CRB1: variants seen among roughly 807,000 people sequenced by gnomAD.
CRB1 encodes the protein crumbs cell polarity complex component 1.
Under a neutral mutation model 120.0 loss-of-function variants are expected in CRB1, and 83 were observed. The ratio of observed to expected loss-of-function variants is 0.69; its 90% CI spans 0.58 to 0.83. CRB1 has a LOEUF of 0.83. CRB1 is among the 40% of genes least tolerant of loss of function. The probability of loss-of-function intolerance (pLI) is 0.00; values close to 1 mark genes in which losing one functional copy is unlikely to be tolerated. For missense variants in CRB1, 1,699 were observed against 1,687.6 expected, an observed-to-expected ratio of 1.01 and a Z score of -0.12; for synonymous variants, 625 against 612.5, an observed-to-expected ratio of 1.02 and a Z score of -0.30.
chr1:197,276,817 A>G (rs1228256258), intron 1 of CRB1, among the ~76,000 whole-genome samples: 1 of 151,944 alleles, frequency 6.6e-6, no homozygotes, highest in Non-Finnish European at 1.5e-5. Context: ...TCTTGCAATC[A>G]TACTACATAG....
chr1:197,342,798 T>C (rs979193472), intron 2 of CRB1, among the ~76,000 whole-genome samples: 33 of 152,276 alleles, frequency 2.2e-4, no homozygotes, highest in African/African-American at 7.5e-4. Context: ...ATACCTACCA[T>C]TGATGTAGCA....
intron 2 of CRB1, among the ~76,000 whole-genome samples, chr1:197,332,399 C>A (rs1429513868): frequency 6.6e-6 from 1 of 152,106 alleles, no homozygotes; most frequent in Non-Finnish European, 1.5e-5. Flanking sequence ...TGACTATATT[C>A]TTCCCTTGTT....
Position 197,421,197 on chromosome 1 carries a change from A to G in CRB1, c.1369A>G (p.Ile457Val), listed in dbSNP as rs776217552. The change falls in exon 6 of 12, where the codon ATC becomes GTC. Residue 457 changes from isoleucine to valine, a missense_variant. Ile to Val is a conservative substitution (Grantham distance 29). Coordinates refer to ENST00000367400, the MANE Select transcript of CRB1 (RefSeq NM_201253.3). ...GCAATGTCTAAATAATGGAACATGC[A>G]TCCCTCACTTCCAAGATGGCCAGCA... ...HQQCLNNGTC[I>V]PHFQDGQHGF... 6 of 1,614,218 alleles carry G rather than the reference A, an allele frequency of 3.7e-6. No individual in the cohort carries two copies. The highest frequency in any genetic ancestry group is 8.5e-7 in the Non-Finnish European group (1 of 1,180,040).
chr1:197,347,754 T>C (rs1225696128), intron 4 of CRB1, among the ~76,000 whole-genome samples: 3 of 152,230 alleles, frequency 2.0e-5, no homozygotes, highest in Admixed American at 6.5e-5. Flanking sequence ...ATGATCTTCA[T>C]GGAGAAAAAT....
chr1:197,307,556 T>A (rs1363633905), intron 1 of CRB1, among the ~76,000 whole-genome samples: 1 of 152,178 alleles, frequency 6.6e-6, no homozygotes, highest in Non-Finnish European at 1.5e-5. Context: ...TACAGAGAAG[T>A]TCAGTATGAA....
At chr1:197,461,863 CA>C (rs1468255064) in intron 11 of CRB1, among the ~76,000 whole-genome samples, 1 of 151,958 alleles carries the variant, frequency 6.6e-6, no homozygotes, top group African/African-American at 2.4e-5. Flanking sequence ...CAGCTCAGTT[CA>C]AAAAAATTTC....
chr1:197,414,083 G>A, intron 5 of CRB1: 1 of 286,668 alleles, frequency 3.5e-6, no homozygotes, highest in Non-Finnish European at 7.4e-6. Context: ...ATTGTTTAAT[G>A]CTATAACAGA....
Position 197,427,567 on chromosome 1 carries a change from C to T in CRB1, c.2242C>T (p.Pro748Ser). 1.2e-6 allele frequency: 2 copies of T among 1,613,954 alleles called. No individual in the cohort carries two copies. The highest frequency in any genetic ancestry group is 1.7e-6 in the Non-Finnish European group (2 of 1,179,972). The change falls in exon 7 of 12, where the codon CCA becomes TCA. Residue 748 changes from proline (P) to serine (S), a missense_variant. By Grantham distance (74) the Pro-to-Ser change is moderately conservative. Transcript: ENST00000367400. ...CTCCATGTTTGTCCGAACGCTTCAA[C>T]CATCAGGCTTACTTCTAGCTTTGGA... ...SLSMFVRTLQPSGLLLALENS... is the reference protein window; with the variant it reads ...SLSMFVRTLQSSGLLLALENS...
At chr1:197,405,125 A>G (rs1034774582) in intron 5 of CRB1, among the ~76,000 whole-genome samples, 1 of 151,506 alleles carries the variant, frequency 6.6e-6, no homozygotes, top group Admixed American at 6.6e-5. Flanking sequence ...TCTGATGCCG[A>G]GCCGAAGCTG....
At chr1:197,242,733 G>C in the CRB1 span, among the ~76,000 whole-genome samples, 3 of 152,118 alleles carry the variant, frequency 2.0e-5, no homozygotes, top group Non-Finnish European at 4.4e-5. Context: ...GTTTGGAATA[G>C]TTTCAGAAGA....
chr1:197,348,341 C>T (rs1008100269), intron 4 of CRB1, among the ~76,000 whole-genome samples: 1 of 152,104 alleles, frequency 6.6e-6, no homozygotes. Flanking sequence ...AGGTAGAAGA[C>T]AGTGATATTG....
chr1:197,255,047 T>G, the CRB1 span, among the ~76,000 whole-genome samples: 1 of 152,202 alleles, frequency 6.6e-6, no homozygotes, highest in African/African-American at 2.4e-5. Flanking sequence ...AATTAAACTT[T>G]TTGGCTGAGG....
At chr1:197,475,991 C>T (rs1016839246) in intron 11 of CRB1, among the ~76,000 whole-genome samples, 9 of 152,142 alleles carry the variant, frequency 5.9e-5, no homozygotes, top group African/African-American at 2.2e-4. Context: ...CTTACATCAA[C>T]CTCCGCATCT....
chr1:197,393,106 AG>A lies in CRB1; in HGVS notation c.1172-27892del, dbSNP rs1390702786. ...GTTAGGGCTGTTAATCAAATTAAAC[AG>A]GACATTTTAAAACACAGTTAAGAAT... is the stretch of plus-strand genomic sequence containing the variant. On this transcript the variant is annotated intron_variant, in intron 5 of 11. Transcript: ENST00000367400. Among the ~76,000 whole-genome samples the A allele has an allele frequency of 2.6e-5, 4 of 152,146 alleles. No homozygotes were observed. In the East Asian group the frequency reaches 7.7e-4, roughly 29 times the overall value.
At chr1:197,236,349 G>A in the CRB1 span, among the ~76,000 whole-genome samples, 2 of 151,944 alleles carry the variant, frequency 1.3e-5, no homozygotes, top group African/African-American at 4.8e-5. Context: ...ACAGGCATGT[G>A]CCACCATGCT....
At chr1:197,473,731 G>A (rs893390014) in intron 11 of CRB1, among the ~76,000 whole-genome samples, 7 of 151,888 alleles carry the variant, frequency 4.6e-5, no homozygotes, top group African/African-American at 7.3e-5. Context: ...AATAGGGCTG[G>A]CCTTAAATCT....
chr1:197,289,761 G>A (rs1240372064), intron 1 of CRB1, among the ~76,000 whole-genome samples: 1 of 151,518 alleles, frequency 6.6e-6, no homozygotes, highest in African/African-American at 2.4e-5. Flanking sequence ...AGTTTTAAAT[G>A]TCAGTGCCTA....
At chr1:197,290,506 G>T (rs2125236623) in intron 1 of CRB1, among the ~76,000 whole-genome samples, 1 of 151,580 alleles carries the variant, frequency 6.6e-6, no homozygotes, top group Non-Finnish European at 1.5e-5. Context: ...CATCCCCCCA[G>T]CTCCTTTCCA....
chr1:197,476,397 T>TGTGTGC (rs1553269046), intron 11 of CRB1, among the ~76,000 whole-genome samples: 2,032 of 145,954 alleles, frequency 0.014, 21 homozygotes, highest in Middle Eastern at 0.031. Context: ...TGTGTGTGTG[T>TGTGTGC]GCGCGTCTTC....
Sources: allele counts gnomAD v4.1 joint callset (sites outside exome capture counted in the v4.1 genomes callset), GRCh38; gene constraint gnomAD v4.1.1; transcripts MANE v1.5; gene names NCBI Gene and HGNC (gene_info 2026-07-23, HGNC 2026-07-21).